RECK: variants seen among roughly 807,000 people sequenced by gnomAD.
RECK encodes the protein reversion-inducing cysteine-rich protein with Kazal motifs.
A neutral mutation model predicts 115.1 loss-of-function variants in RECK; 69 were observed. That is an observed-to-expected ratio of 0.60 (90% CI 0.49 to 0.73). The LOEUF (loss-of-function observed/expected upper bound fraction) is 0.73. Ranked by LOEUF, RECK falls within the 30% of genes least tolerant of loss-of-function variation. The pLI is 0.00. For missense variants in RECK, 1,047 were observed against 1,203.7 expected (o/e 0.87, Z 1.93); for synonymous variants, 414 against 419.7 (o/e 0.99, Z 0.17).
chr9:36,064,570 T>TA (rs1821913534), intron 5 of RECK, among the ~76,000 whole-genome samples: 1 of 152,218 alleles, frequency 6.6e-6, no homozygotes, highest in Non-Finnish European at 1.5e-5. Context: ...TCTAGGGACT[T>TA]ATCTCAGATA....
At chr9:36,080,146 G>C (rs1025885396) in intron 6 of RECK, among the ~76,000 whole-genome samples, 2 of 152,130 alleles carry the variant, frequency 1.3e-5, no homozygotes, top group African/African-American at 4.8e-5. Flanking sequence ...TAAGGTCTAG[G>C]AAACTCAGAT....
chr9:36,061,257 G>A (rs1261847533), intron 4 of RECK, among the ~76,000 whole-genome samples: 1 of 151,790 alleles, frequency 6.6e-6, no homozygotes, highest in East Asian at 1.9e-4. Flanking sequence ...TATACCTTAT[G>A]TATCTCTGAA....
At chr9:36,060,998 C>T (rs1821735607) in intron 4 of RECK, among the ~76,000 whole-genome samples, 1 of 152,200 alleles carries the variant, frequency 6.6e-6, no homozygotes, top group African/African-American at 2.4e-5. Flanking sequence ...CAAAATTACA[C>T]CTGTCCTGTC....
intron 6 of RECK, among the ~76,000 whole-genome samples, chr9:36,077,503 G>A (rs1440797451): frequency 2.0e-5 from 3 of 152,094 alleles, no homozygotes; most frequent in Non-Finnish European, 2.9e-5. Context: ...AATCATGATA[G>A]GTGTAACAGA....
chr9:36,087,664 A>G (rs1823016158), intron 8 of RECK, 30 bp from the exon 9 acceptor site: 1 of 1,595,726 alleles, frequency 6.3e-7, no homozygotes, highest in African/African-American at 1.4e-5. Context: ...AAAAACAGCT[A>G]ATTAAGCCAC....
In RECK at chr9:36,052,881, T is replaced by C. The variant is rs191028796; in HGVS notation, c.159+558T>C. Among the ~76,000 whole-genome samples the C allele has an allele frequency of 1.7e-3, 256 of 152,262 alleles. 1 individual carries two copies. Among genetic ancestry groups the C allele is most frequent in the African/African-American group, 5.9e-3 (243 of 41,536 alleles). ...CTATAAAGGACATTATCAGGATAAA[T>C]TGGTAAAATTTGAATATAGACTGGA... On this transcript the variant is annotated intron_variant, in intron 2 of 20. Coordinates refer to ENST00000377966, the MANE Select transcript of RECK (RefSeq NM_021111.3).
rs1043042583 is a variant in RECK at position 36,045,487 on chromosome 9, G to C, written c.101-6778G>C. On this transcript the variant is annotated intron_variant, in intron 1 of 20. Transcript: ENST00000377966. The stretch of plus-strand genomic sequence containing the variant: ...CTGAAGTGTGTAATACACACTCAAT[G>C]CACGTGCACACACACACATCTATGT... Among the ~76,000 whole-genome samples the C allele has an allele frequency of 2.6e-5, 4 of 151,608 alleles. No individual in the cohort carries two copies. The South Asian group carries it at 8.4e-4, about 32-fold the overall frequency.
chr9:36,100,670 GCTTTCCCA>G (rs1477943755), intron 11 of RECK, 127 bp downstream of exon 11: 1 of 671,984 alleles, frequency 1.5e-6, no homozygotes, highest in Admixed American at 2.8e-5. Flanking sequence ...TATGTCAAAT[GCTTTCCCA>G]CTTTTTCCTC....
intron 6 of RECK, among the ~76,000 whole-genome samples, chr9:36,077,859 T>G (rs982598825): frequency 4.6e-5 from 7 of 152,108 alleles, no homozygotes; most frequent in African/African-American, 1.7e-4. Flanking sequence ...GGCTTGGAGA[T>G]CATTCACTCT....
intron 3 of RECK, 117 bp from the exon 4 acceptor site, chr9:36,060,002 T>A: frequency 1.2e-6 from 1 of 860,594 alleles, no homozygotes; most frequent in East Asian, 2.5e-5. Flanking sequence ...TTCTAGAACA[T>A]TGACTGTGTA....
chr9:36,119,819 A>G (rs927820258), intron 18 of RECK, among the ~76,000 whole-genome samples: 1 of 152,242 alleles, frequency 6.6e-6, no homozygotes, highest in Admixed American at 6.5e-5. Flanking sequence ...GGAGGGGCCC[A>G]GGGCAGAGAG....
At chr9:36,056,873 T>C (rs1821550193) in intron 2 of RECK, 1 of 591,224 alleles carries the variant, frequency 1.7e-6, no homozygotes, top group Non-Finnish European at 2.1e-6. Flanking sequence ...CGTTGCAAAA[T>C]AGTGATATTC....
intron 4 of RECK, among the ~76,000 whole-genome samples, chr9:36,062,015 C>T (rs1821789851): frequency 6.6e-6 from 1 of 151,936 alleles, no homozygotes; most frequent in Non-Finnish European, 1.5e-5. Context: ...AAATAATAAT[C>T]CAACTTACTT....
intron 6 of RECK, among the ~76,000 whole-genome samples, chr9:36,079,292 C>G (rs1822586811): frequency 6.6e-6 from 1 of 152,050 alleles, no homozygotes; most frequent in Non-Finnish European, 1.5e-5. Flanking sequence ...TAATGCATAA[C>G]TGAAAAGTCA....
In RECK at chr9:36,118,892, A is replaced by G; in HGVS notation, c.2389A>G (p.Ser797Gly). ...CQAVGVLSEH[S>G]SVAECASVKC... ...GGCCGTCGGAGTCCTCTCAGAGCACAGCTCCGTCGCCGAGTGTGCTTCTGT... is the reference window on the plus strand; with the variant it reads ...GGCCGTCGGAGTCCTCTCAGAGCACGGCTCCGTCGCCGAGTGTGCTTCTGT... The change falls in exon 18 of 21, where the codon AGC becomes GGC. Residue 797 changes from serine to glycine, a missense_variant. Transcript: ENST00000377966. 1 of 1,613,862 alleles carries G rather than the reference A, an allele frequency of 6.2e-7. No individual in the cohort carries two copies.
intron 3 of RECK, 142 bp from the exon 4 acceptor site, chr9:36,059,977 T>C (rs1245607853): frequency 1.0e-5 from 7 of 683,720 alleles, no homozygotes; most frequent in African/African-American, 1.8e-5. Context: ...GAATAGCTGA[T>C]TGATGTGCCT....
At chr9:36,058,548 T>G (rs1390006315) in intron 2 of RECK, among the ~76,000 whole-genome samples, 2 of 145,170 alleles carry the variant, frequency 1.4e-5, no homozygotes, top group African/African-American at 2.5e-5. Flanking sequence ...ATATACCTAA[T>G]GCTAGATGAC....
chr9:36,081,956 G>A (rs1822716345), intron 7 of RECK, among the ~76,000 whole-genome samples: 1 of 152,060 alleles, frequency 6.6e-6, no homozygotes, highest in Admixed American at 6.5e-5. Context: ...TAGTTTCCTG[G>A]TCTGGGAAAC....
intron 12 of RECK, among the ~76,000 whole-genome samples, chr9:36,104,873 A>G (rs1823739877): frequency 6.6e-6 from 1 of 152,150 alleles, no homozygotes; most frequent in African/African-American, 2.4e-5. Context: ...AGACTTGTCT[A>G]TTTTGTTCAT....
Sources: gnomAD v4.1 joint callset for allele counts (sites outside exome capture counted in the v4.1 genomes callset) on GRCh38, gnomAD v4.1.1 for gene constraint, MANE v1.5 for transcripts, NCBI Gene and HGNC (gene_info 2026-07-23, HGNC 2026-07-21) for gene names.